Variants in RECQL5 observed in about 807,000 individuals in gnomAD.
RECQL5 encodes ATP-dependent DNA helicase Q5.
In RECQL5, 88 loss-of-function variants were observed where a neutral mutation model predicts 103.4. The observed-to-expected ratio is 0.85, with a 90% confidence interval of 0.72 to 1.02. RECQL5 has a LOEUF of 1.02. Ranked by LOEUF, RECQL5 falls within the 50% of genes least tolerant of loss-of-function variation. The pLI is 0.00. For synonymous variants in RECQL5, 552 were observed against 507.9 expected, an observed-to-expected ratio of 1.09 and a Z score of -1.17; for missense variants, 1,232 against 1,284.3, an observed-to-expected ratio of 0.96 and a Z score of 0.62.
intron 7 of RECQL5, among the ~76,000 whole-genome samples, chr17:75,656,001 G>C (rs1382720388): frequency 1.3e-5 from 2 of 151,622 alleles, no homozygotes; most frequent in Non-Finnish European, 1.5e-5. Context: ...GTTTTCTCTT[G>C]GTGAGATTTT....
chr17:75,656,195 C>T (rs2059617511), intron 7 of RECQL5, among the ~76,000 whole-genome samples: 1 of 152,124 alleles, frequency 6.6e-6, no homozygotes, highest in African/African-American at 2.4e-5. Flanking sequence ...CTGCTTCAGC[C>T]TCTTCCAAGT....
At position 75,627,639 on chromosome 17, in the gene RECQL5, G is replaced by C; in HGVS notation, c.2859C>G (p.Thr953=). 1 of 1,612,840 alleles carries C rather than the reference G, an allele frequency of 6.2e-7. No homozygotes were observed. Among genetic ancestry groups the C allele is most frequent in the Non-Finnish European group, 8.5e-7 (1 of 1,179,468 alleles). Residue 953 remains threonine (T), a synonymous_variant, in exon 19 of 20, where the codon ACC becomes ACG. Transcript: ENST00000317905. The part of the protein sequence containing the change: ...RHLSHLLTQK[T]SPGRSVKEEA... ...AGCGCTCACCGCTCCTTCCAGGAGAGGTCTTCTGAGTCAGCAAGTGTGAGA... is the reference window on the plus strand; with the variant it reads ...AGCGCTCACCGCTCCTTCCAGGAGACGTCTTCTGAGTCAGCAAGTGTGAGA...
intron 8 of RECQL5, among the ~76,000 whole-genome samples, chr17:75,632,451 G>A (rs1389403262): frequency 4.6e-5 from 7 of 152,354 alleles, no homozygotes; most frequent in South Asian, 2.1e-4. Flanking sequence ...TTCTCAAAAC[G>A]TATTTGCATT....
intron 8 of RECQL5, among the ~76,000 whole-genome samples, chr17:75,643,770 A>C (rs1355274841): frequency 1.3e-5 from 2 of 152,028 alleles, no homozygotes; most frequent in Non-Finnish European, 2.9e-5. Context: ...TGACTTGGTC[A>C]CCACCTCTCT....
intron 8 of RECQL5, chr17:75,650,217 A>T (rs1428712510): frequency 1.0e-6 from 1 of 989,894 alleles, no homozygotes; most frequent in Non-Finnish European, 1.2e-6. Context: ...CTGGCACTGC[A>T]GCCGACCACT....
At chr17:75,666,921 G>T in intron 1 of RECQL5, 123 bp downstream of exon 1, 1 of 263,968 alleles carries the variant, frequency 3.8e-6, no homozygotes. Context: ...TTCTATAAGC[G>T]CAACCACGAC....
intron 7 of RECQL5, among the ~76,000 whole-genome samples, chr17:75,653,964 A>G (rs2059586474): frequency 1.3e-5 from 2 of 152,250 alleles, no homozygotes; most frequent in African/African-American, 4.8e-5. Context: ...GATATCTGAG[A>G]CATCATCTAT....
chr17:75,651,332 A>G, intron 7 of RECQL5, 67 bp from the exon 8 acceptor site: 3 of 1,587,582 alleles, frequency 1.9e-6, no homozygotes, highest in Non-Finnish European at 2.6e-6. Flanking sequence ...CACAAAAAGT[A>G]ATGAGGAGGC....
intron 8 of RECQL5, chr17:75,650,763 C>T: frequency 6.3e-7 from 1 of 1,592,844 alleles, no homozygotes; most frequent in Non-Finnish European, 8.5e-7. Flanking sequence ...AAGCACATGA[C>T]TCCCCGAGGT....
rs1257142042 is a variant in RECQL5, at chr17:75,636,720, T to C, written c.1230-5052A>G. 6.6e-6 allele frequency: 1 copy of C among 152,298 alleles called. No individual in the cohort carries two copies. The allele number at this position is 152,298 out of a possible 1,614,324, so 9.4% of individuals were successfully genotyped here. On this transcript the variant is annotated intron_variant, in intron 8 of 19. Transcript: ENST00000317905. The surrounding 1 kb of genome is among the most constrained non-coding windows in gnomAD (Gnocchi z 5.4). Reference sequence around the variant, plus strand: ...CCCCACCTGCGCCATGAAGGTTCAGTCGCGGGTTTACGCTCCAAATGACAA... The same window carrying C: ...CCCCACCTGCGCCATGAAGGTTCAGCCGCGGGTTTACGCTCCAAATGACAA...
intron 8 of RECQL5, among the ~76,000 whole-genome samples, chr17:75,633,087 G>A (rs1267336112): frequency 6.6e-6 from 1 of 152,240 alleles, no homozygotes; most frequent in Admixed American, 6.5e-5. Flanking sequence ...CAGCCGAGGC[G>A]GCCACCAGAG....
Position 75,655,097 on chromosome 17 carries a change from T to G in RECQL5, c.1149+3201A>C, listed in dbSNP as rs576410250. On this transcript the variant is annotated intron_variant, in intron 7 of 19. Coordinates refer to ENST00000317905, the MANE Select transcript of RECQL5 (RefSeq NM_004259.7). ...TGAGCCACCTCACCCAGCCTAACAT[T>G]TTTAAACATGTCATTTGATAAATTT... 2.0e-5 allele frequency among the ~76,000 whole-genome samples: 3 copies of G among 152,316 alleles called. No individual in the cohort carries two copies. The East Asian group carries it at 5.8e-4, about 29-fold the overall frequency.
chr17:75,628,553 T>C lies in RECQL5; in HGVS notation c.2581-111A>G, dbSNP rs117754192. 6.1e-4 allele frequency: 923 copies of C among 1,513,996 alleles called. 6 individuals carry two copies. The East Asian group carries it at 8.7e-3, about 14-fold the overall frequency. 93.8% of individuals were successfully genotyped at this position (1,513,996 alleles called of 1,614,324 possible). On this transcript the variant is annotated intron_variant, in intron 17 of 19. Transcript: ENST00000317905. ...AGCTGCCTCTCTCCAGCCCAGCCCA[T>C]CTGCTGCCAGGTGTGGAAAGAAAGC...
intron 8 of RECQL5, among the ~76,000 whole-genome samples, chr17:75,643,468 T>C (rs2148298903): frequency 6.6e-6 from 1 of 152,324 alleles, no homozygotes; most frequent in Middle Eastern, 3.4e-3. Flanking sequence ...CCCTGCTCCT[T>C]GGCCAACTGG....
rs570481893 is a variant in RECQL5 at position 75,627,221 on chromosome 17, T to C, written c.*201A>G. ...TGAGGACCGCTCTGAGAAGGGTCTA[T>C]AGGCTTTGCAAGCAGAAAGAAAGGT... On this transcript the variant is annotated 3_prime_UTR_variant, in exon 20 of 20. Transcript: ENST00000317905. The C allele has an allele frequency of 1.3e-4, 86 of 665,262 alleles. 1 individual carries two copies. Among genetic ancestry groups the C allele is most frequent in the East Asian group, 1.0e-3 (36 of 35,802 alleles). The allele number at this position is 665,262 out of a possible 1,614,324, so 41.2% of individuals were successfully genotyped here.
At position 75,658,286 on chromosome 17, in the gene RECQL5, C is replaced by T. The variant is rs1183938959; in HGVS notation, c.1149+12G>A. ...GGTCAGACTGAAAGACCTTCTACTG[C>T]CCAAGCCTTACCTGGAGTTTTGCTA... On this transcript the variant is annotated intron_variant, in intron 7 of 19. Transcript: ENST00000317905. The T allele has an allele frequency of 1.2e-6, 2 of 1,611,890 alleles. No homozygotes were observed. Among genetic ancestry groups the T allele is most frequent in the Admixed American group, 3.3e-5 (2 of 59,916 alleles).
At chr17:75,654,491 A>G (rs761403453) in intron 7 of RECQL5, among the ~76,000 whole-genome samples, 2 of 152,210 alleles carry the variant, frequency 1.3e-5, no homozygotes, top group African/African-American at 2.4e-5. Flanking sequence ...GCCTCTCTAC[A>G]ATGGAGAACA....
chr17:75,650,396 C>A, intron 8 of RECQL5: 3 of 1,213,960 alleles, frequency 2.5e-6, no homozygotes, highest in East Asian at 3.5e-5. Flanking sequence ...CTTGCAAAAA[C>A]CAAGATGGCC....
At chr17:75,658,225 G>C in intron 7 of RECQL5, 73 bp downstream of exon 7, 2 of 1,514,668 alleles carry the variant, frequency 1.3e-6, no homozygotes, top group Non-Finnish European at 1.8e-6. Context: ...CATCATCAGA[G>C]TTCAGAAATC....
Sources: allele counts gnomAD v4.1 joint callset (sites outside exome capture counted in the v4.1 genomes callset), GRCh38; gene constraint gnomAD v4.1.1; non-coding constraint Gnocchi (gnomAD v3.1); transcripts MANE v1.5; gene names NCBI Gene and HGNC (gene_info 2026-07-23, HGNC 2026-07-21).